PCNX1: variants seen among roughly 807,000 people sequenced by gnomAD.
PCNX1 encodes the protein pecanex 1.
In PCNX1, 78 loss-of-function variants were observed where a neutral mutation model predicts 242.2. The ratio of observed to expected loss-of-function variants is 0.32; its 90% CI spans 0.27 to 0.39. The LOEUF (loss-of-function observed/expected upper bound fraction) is 0.39. Among genes scored for constraint, PCNX1 ranks in the 10% least tolerant of loss-of-function variants. The pLI is 1.00. For missense variants in PCNX1, 2,581 were observed against 2,856.5 expected, an observed-to-expected ratio of 0.90 and a Z score of 2.20; for synonymous variants, 1,024 against 1,032.9, an observed-to-expected ratio of 0.99 and a Z score of 0.17.
At chr14:71,037,982 C>T (rs1451330162) in intron 19 of PCNX1, among the ~76,000 whole-genome samples, 1 of 115,038 alleles carries the variant, frequency 8.7e-6, no homozygotes, top group African/African-American at 3.5e-5. Flanking sequence ...GAAAGGATTC[C>T]CTATTTAATA....
intron 33 of PCNX1, among the ~76,000 whole-genome samples, chr14:71,107,491 T>C (rs1023387850): frequency 2.6e-5 from 4 of 152,338 alleles, no homozygotes; most frequent in African/African-American, 9.6e-5. Flanking sequence ...CTTTTTGTTC[T>C]TACCTTGATT....
At chr14:71,087,775 A>G (rs2062029775) in intron 28 of PCNX1, among the ~76,000 whole-genome samples, 1 of 152,174 alleles carries the variant, frequency 6.6e-6, no homozygotes, top group Admixed American at 6.5e-5. Context: ...TCTTAGAGGG[A>G]GAAACAGAGG....
intron 1 of PCNX1, among the ~76,000 whole-genome samples, chr14:70,908,708 G>A (rs943865935): frequency 6.6e-6 from 1 of 152,260 alleles, no homozygotes; most frequent in Non-Finnish European, 1.5e-5. Flanking sequence ...GCCTCCCTGG[G>A]GGGAGGGAGC....
At chr14:71,081,251 T>G (rs944156175) in intron 28 of PCNX1, among the ~76,000 whole-genome samples, 3 of 152,230 alleles carry the variant, frequency 2.0e-5, no homozygotes, top group Admixed American at 1.3e-4. Flanking sequence ...CTTTTTGATG[T>G]GCTGCTGGAT....
intron 1 of PCNX1, among the ~76,000 whole-genome samples, chr14:70,914,495 AT>A (rs1328468759): frequency 1.3e-5 from 2 of 152,202 alleles, no homozygotes; most frequent in African/African-American, 4.8e-5. Flanking sequence ...TCATAAAATC[AT>A]TTGGTGATTG....
chr14:71,022,358 G>A (rs2060126974), intron 12 of PCNX1, among the ~76,000 whole-genome samples: 1 of 152,078 alleles, frequency 6.6e-6, no homozygotes, highest in Non-Finnish European at 1.5e-5. Flanking sequence ...ACAGATTTTT[G>A]CAACTAGTTG....
At chr14:71,079,301 A>AATATACATGT (rs1344979974) in intron 28 of PCNX1, among the ~76,000 whole-genome samples, 5 of 152,200 alleles carry the variant, frequency 3.3e-5, no homozygotes, top group Admixed American at 2.0e-4. Context: ...TGCTGCAATA[A>AATATACATGT]ATATACATGT....
intron 19 of PCNX1, among the ~76,000 whole-genome samples, chr14:71,038,315 A>AG (rs2060605248): frequency 9.4e-6 from 1 of 106,588 alleles, no homozygotes. Flanking sequence ...AAATTTTCGC[A>AG]ACCTACTCAT....
At chr14:71,057,895 C>A (rs2061226020) in intron 26 of PCNX1, among the ~76,000 whole-genome samples, 171 bp downstream of exon 26, 1 of 152,146 alleles carries the variant, frequency 6.6e-6, no homozygotes, top group Non-Finnish European at 1.5e-5. Context: ...ATTCCATATT[C>A]CAAGAAGAAT....
chr14:70,994,396 G>T (rs1226806972), intron 7 of PCNX1, among the ~76,000 whole-genome samples: 16 of 96,960 alleles, frequency 1.7e-4, no homozygotes, highest in African/African-American at 3.5e-4. Flanking sequence ...ACAGGCTTAA[G>T]ATATATATAT....
chr14:70,937,796 CTTT>C (rs965903944), intron 1 of PCNX1, among the ~76,000 whole-genome samples: 3 of 152,042 alleles, frequency 2.0e-5, no homozygotes, highest in African/African-American at 7.3e-5. Flanking sequence ...TGTTTGTGTC[CTTT>C]TTTATTTCGT....
chr14:71,019,636 G>A (rs1384845279), intron 12 of PCNX1, among the ~76,000 whole-genome samples: 1 of 152,070 alleles, frequency 6.6e-6, no homozygotes, highest in African/African-American at 2.4e-5. Context: ...TCCTGACCTC[G>A]TGATCCGCCT....
intron 32 of PCNX1, 88 bp downstream of exon 32, chr14:71,103,757 A>G: frequency 8.0e-7 from 1 of 1,253,080 alleles, no homozygotes; most frequent in South Asian, 1.3e-5. Flanking sequence ...AGCTTGTAGA[A>G]AAAATTACAG....
chr14:71,028,612 A>G, intron 15 of PCNX1, 88 bp from the exon 16 acceptor site: 2 of 722,374 alleles, frequency 2.8e-6, no homozygotes, highest in East Asian at 3.0e-5. Flanking sequence ...AGTTGACATT[A>G]TAATATTTTA....
At chr14:71,047,279 G>A (rs1026419520) in intron 21 of PCNX1, among the ~76,000 whole-genome samples, 174 bp downstream of exon 21, 3 of 152,008 alleles carry the variant, frequency 2.0e-5, no homozygotes, top group Non-Finnish European at 4.4e-5. Context: ...TGTTTCTGCT[G>A]TTGGCATATT....
chr14:71,005,892 A>C (rs1835561921), intron 8 of PCNX1, among the ~76,000 whole-genome samples: 2 of 152,060 alleles, frequency 1.3e-5, no homozygotes, highest in Admixed American at 1.3e-4. Flanking sequence ...GTATTCAATA[A>C]GACTGCTAAG....
chr14:70,947,047 A>C lies in PCNX1; in HGVS notation c.286A>C (p.Asn96His). ...DAGEVVDRTA[N>H]EFTDQRTKAE... ...TGGAGAAGTTGTAGATAGGACTGCA[A>C]ATGAGTTCACGGATCAGCGAACCAA... The change falls in exon 2 of 36, where the codon AAT becomes CAT. Residue 96 changes from asparagine (N) to histidine (H), a missense_variant. This residue lies in a region of PCNX1 where 1,204 missense variants were observed against 1,216.7 expected (regional missense o/e 0.99). Transcript: ENST00000304743. 1.2e-6 allele frequency: 2 copies of C among 1,613,992 alleles called. No homozygotes were observed. Among genetic ancestry groups the C allele is most frequent in the Non-Finnish European group, 1.7e-6 (2 of 1,179,974 alleles).
intron 1 of PCNX1, among the ~76,000 whole-genome samples, chr14:70,945,430 G>A (rs2057418255): frequency 1.3e-5 from 2 of 151,678 alleles, no homozygotes; most frequent in Non-Finnish European, 1.5e-5. Context: ...ACATTAATAT[G>A]CAGGACTTCT....
intron 6 of PCNX1, among the ~76,000 whole-genome samples, chr14:70,985,971 A>G (rs896669856): frequency 2.6e-5 from 4 of 152,122 alleles, no homozygotes; most frequent in East Asian, 1.9e-4. Context: ...GTTTATTACA[A>G]TTGGATTCTG....
Sources: allele counts gnomAD v4.1 joint callset (sites outside exome capture counted in the v4.1 genomes callset), GRCh38; gene constraint gnomAD v4.1.1; regional missense constraint gnomAD v4.1.1; transcripts MANE v1.5; gene names NCBI Gene and HGNC (gene_info 2026-07-23, HGNC 2026-07-21).